Variants in PRR5L observed in about 807,000 individuals in gnomAD.
The protein encoded by PRR5L is proline-rich protein 5-like.
Under a neutral mutation model 36.4 loss-of-function variants are expected in PRR5L, and 21 were observed. The ratio of observed to expected loss-of-function variants is 0.58; its 90% confidence interval spans 0.41 to 0.83. The LOEUF is 0.83. PRR5L is among the 40% of genes least tolerant of loss of function. The pLI, the probability that PRR5L is intolerant of heterozygous loss-of-function variation, is 0.00. For missense variants in PRR5L, 381 were observed against 473.3 expected, an observed-to-expected ratio of 0.80 and a Z score of 1.81; for synonymous variants, 188 against 197.0, an observed-to-expected ratio of 0.95 and a Z score of 0.38.
rs565833832 is a variant in PRR5L at position 36,350,707 on chromosome 11, C to T, written c.-125-50290C>T. Among the ~76,000 whole-genome samples, 7 of 151,096 alleles carry T rather than the reference C, an allele frequency of 4.6e-5. No homozygotes were observed. In the East Asian group the frequency reaches 5.9e-4, roughly 13 times the overall value. On this transcript the variant is annotated intron_variant, in intron 1 of 8. Coordinates refer to ENST00000530639, the MANE Select transcript of PRR5L (RefSeq NM_001160167.2). ...TTCACCACCCTCCCACCCTTTCCCC[C>T]GAGTCCCCAAGTCCACTGTATCATT... is the stretch of plus-strand genomic sequence containing the variant.
chr11:36,340,996 A>G (rs1856811523), intron 1 of PRR5L, among the ~76,000 whole-genome samples: 1 of 152,114 alleles, frequency 6.6e-6, no homozygotes, highest in East Asian at 1.9e-4. Context: ...CCTCCGTCCA[A>G]CTCTCATTTG....
intron 1 of PRR5L, among the ~76,000 whole-genome samples, chr11:36,310,638 G>T (rs535539864): frequency 1.3e-5 from 2 of 152,086 alleles, no homozygotes; most frequent in Admixed American, 6.6e-5. Flanking sequence ...GCACCCAAGA[G>T]TTCTCCCACA....
intron 7 of PRR5L, among the ~76,000 whole-genome samples, chr11:36,446,994 G>A (rs553162512): frequency 6.6e-6 from 1 of 152,286 alleles, no homozygotes; most frequent in Non-Finnish European, 1.5e-5. Context: ...TATGTTCTGT[G>A]TTTGGTTTGT....
intron 6 of PRR5L, among the ~76,000 whole-genome samples, chr11:36,445,415 T>C (rs952688997): frequency 2.6e-5 from 4 of 152,338 alleles, no homozygotes; most frequent in Admixed American, 2.6e-4. Context: ...AGTAAGTCTC[T>C]GGGTTTTCAG....
intron 1 of PRR5L, among the ~76,000 whole-genome samples, chr11:36,347,953 GAGCCATAAT>G (rs1362703807): frequency 6.6e-6 from 1 of 152,060 alleles, no homozygotes; most frequent in Non-Finnish European, 1.5e-5. Flanking sequence ...CTCTGTAAAA[GAGCCATAAT>G]AAGATTATGA....
chr11:36,421,789 C>T (rs1316840187), intron 4 of PRR5L, among the ~76,000 whole-genome samples: 7 of 151,998 alleles, frequency 4.6e-5, no homozygotes, highest in African/African-American at 1.2e-4. Flanking sequence ...ATTTTCCTTT[C>T]GCCCTTGGGA....
chr11:36,298,631 G>A (rs964939020), intron 1 of PRR5L, among the ~76,000 whole-genome samples: 7 of 152,324 alleles, frequency 4.6e-5, no homozygotes, highest in African/African-American at 1.2e-4. Flanking sequence ...ATGAAGCTTC[G>A]TGCTCTCTCT....
chr11:36,409,604 A>T (rs749558080), intron 3 of PRR5L, among the ~76,000 whole-genome samples: 10 of 152,268 alleles, frequency 6.6e-5, no homozygotes, highest in African/African-American at 2.2e-4. Flanking sequence ...AGGGGGGAAG[A>T]GCTGGGAGGG....
At chr11:36,451,368 C>G (rs1167985113) in intron 8 of PRR5L, 33 bp downstream of exon 8, 1 of 1,612,178 alleles carries the variant, frequency 6.2e-7, no homozygotes. Flanking sequence ...TGTCAAGAGG[C>G]CCAGTGATCA....
At chr11:36,301,050 C>A (rs780528395) in intron 1 of PRR5L, 1 of 152,304 alleles carries the variant, frequency 6.6e-6, no homozygotes, top group Admixed American at 6.5e-5. Context: ...GTCTGAGCTT[C>A]TCTCCAGTTC....
In PRR5L at chr11:36,362,812, AG is replaced by A. The variant is rs1207057150; in HGVS notation, c.-125-38183del. 2.6e-5 allele frequency among the ~76,000 whole-genome samples: 4 copies of A among 152,088 alleles called. No homozygotes were observed. The South Asian group carries it at 8.3e-4, about 32-fold the overall frequency. On this transcript the variant is annotated intron_variant, in intron 1 of 8. Coordinates refer to ENST00000530639, the MANE Select transcript of PRR5L (RefSeq NM_001160167.2). Reference sequence around the variant, plus strand: ...TTATAATTTGTGAGTGGCGACAGACAGGTAAACTGATCACTGTAACAAGAGG... The same window carrying A: ...TTATAATTTGTGAGTGGCGACAGACAGTAAACTGATCACTGTAACAAGAGG...
At position 36,403,310 on chromosome 11, in the gene PRR5L, T is replaced by A; in HGVS notation, c.177T>A (p.Ala59=). 1 of 1,614,140 alleles carries A rather than the reference T, an allele frequency of 6.2e-7. No individual in the cohort carries two copies. The highest frequency in any genetic ancestry group is 8.5e-7 in the Non-Finnish European group (1 of 1,179,966). ...TCTTTTCCTGTAGCGTTCAGACTGC[T>A]GTGATCAACGTTTTCAAAGGGGGTG... ...SSSAWNSVQT[A]VINVFKGGGL... Residue 59 remains alanine (A), a synonymous_variant, in exon 3 of 9, where the codon GCT becomes GCA. Transcript: ENST00000530639.
At chr11:36,390,206 T>G (rs907587308) in intron 1 of PRR5L, among the ~76,000 whole-genome samples, 3 of 152,120 alleles carry the variant, frequency 2.0e-5, no homozygotes, top group African/African-American at 7.2e-5. Flanking sequence ...GGAGGGTGTC[T>G]CTGAGCAAGT....
intron 6 of PRR5L, among the ~76,000 whole-genome samples, chr11:36,439,412 C>T (rs1858673968): frequency 6.6e-6 from 1 of 152,148 alleles, no homozygotes. Flanking sequence ...TGTTTCAGTT[C>T]TCTTGGAAGA....
intron 1 of PRR5L, among the ~76,000 whole-genome samples, chr11:36,336,731 A>G (rs1856772594): frequency 6.6e-6 from 1 of 152,062 alleles, no homozygotes; most frequent in Non-Finnish European, 1.5e-5. Flanking sequence ...ACATATAGCT[A>G]TTACAATTAA....
chr11:36,458,791 C>T (rs527509195), intron 8 of PRR5L, among the ~76,000 whole-genome samples: 75 of 152,350 alleles, frequency 4.9e-4, no homozygotes, highest in African/African-American at 1.8e-3. Flanking sequence ...GGTTTGCTTT[C>T]CTCTTGGAAA....
At chr11:36,420,229 C>T (rs1858234274) in intron 4 of PRR5L, among the ~76,000 whole-genome samples, 1 of 152,200 alleles carries the variant, frequency 6.6e-6, no homozygotes, top group Admixed American at 6.5e-5. Flanking sequence ...CCTCAGTTTC[C>T]TCATCTGCGA....
rs975731163 is a variant in PRR5L, at chr11:36,459,675, T to C, written c.713-2667T>C. Among the ~76,000 whole-genome samples the C allele has an allele frequency of 3.3e-5, 5 of 152,348 alleles. No individual in the cohort carries two copies. The East Asian group carries it at 9.6e-4, about 29-fold the overall frequency. ...AGCTCATTGGGTTGAGAGGATTTAA[T>C]TATTCACAGATACAAGATGCTCAGA... On this transcript the variant is annotated intron_variant, in intron 8 of 8. Coordinates refer to ENST00000530639, the MANE Select transcript of PRR5L (RefSeq NM_001160167.2).
At chr11:36,310,046 G>C (rs941315700) in intron 1 of PRR5L, among the ~76,000 whole-genome samples, 1 of 5,870 alleles carries the variant, frequency 1.7e-4, no homozygotes, top group African/African-American at 2.9e-4. Flanking sequence ...CTGGAAGCCT[G>C]TTGTGTCCTC....
Sources: gnomAD v4.1 joint callset for allele counts (sites outside exome capture counted in the v4.1 genomes callset) on GRCh38, gnomAD v4.1.1 for gene constraint, MANE v1.5 for transcripts, NCBI Gene and HGNC (gene_info 2026-07-23, HGNC 2026-07-21) for gene names.